The following MAML3 variants were observed in gnomAD, a reference collection of about 807,000 sequenced individuals.
MAML3 encodes mastermind like transcriptional coactivator 3.
A neutral mutation model predicts 101.9 loss-of-function variants in MAML3; 27 were observed. That is an observed-to-expected ratio of 0.27 (90% CI 0.20 to 0.37). MAML3 has a LOEUF of 0.37. Among genes scored for constraint, MAML3 ranks in the 10% least tolerant of loss-of-function variants. The pLI, the probability that MAML3 is intolerant of heterozygous loss-of-function variation, is 1.00. For missense variants in MAML3, 1,316 were observed against 1,444.9 expected (o/e 0.91, Z 1.45); for synonymous variants, 501 against 555.9 (o/e 0.90, Z 1.39).
chr4:139,985,155 A>G lies in MAML3; in HGVS notation c.469-94188T>C, dbSNP rs557831423. ...CTCAAAGACTATCTCTGAAAGTTTT[A>G]AAAACAGGCCAAGCTGACAGAGTTT... On this transcript the variant is annotated intron_variant, in intron 1 of 4. Coordinates refer to ENST00000509479, the MANE Select transcript of MAML3 (RefSeq NM_018717.5). 7.2e-5 allele frequency among the ~76,000 whole-genome samples: 11 copies of G among 152,362 alleles called. No homozygotes were observed. In the South Asian group the frequency reaches 1.0e-3, roughly 14 times the overall value.
At chr4:139,790,106 T>C (rs1311138284) in intron 2 of MAML3, among the ~76,000 whole-genome samples, 1 of 151,292 alleles carries the variant, frequency 6.6e-6, no homozygotes, top group Non-Finnish European at 1.5e-5. Context: ...TCTTTGAGGA[T>C]GGTGTTCTCA....
intron 1 of MAML3, among the ~76,000 whole-genome samples, chr4:139,952,239 G>A (rs149181832): frequency 8.7e-4 from 132 of 152,312 alleles, no homozygotes; most frequent in Non-Finnish European, 1.7e-3. Context: ...GTGAGTTGGG[G>A]ATTCTGGAAT....
chr4:140,114,198 C>A (rs1045375325), intron 1 of MAML3, among the ~76,000 whole-genome samples: 1 of 152,198 alleles, frequency 6.6e-6, no homozygotes, highest in Non-Finnish European at 1.5e-5. Flanking sequence ...TAAAATCATT[C>A]CAACTTCTGT....
chr4:139,828,981 G>GGAAT (rs1164113574), intron 2 of MAML3, among the ~76,000 whole-genome samples: 4 of 118,008 alleles, frequency 3.4e-5, no homozygotes, highest in African/African-American at 1.3e-4. Flanking sequence ...GAAAGAGGAA[G>GGAAT]GAAGGAAGGA....
At chr4:139,912,539 G>T (rs1413321932) in intron 1 of MAML3, among the ~76,000 whole-genome samples, 1 of 152,238 alleles carries the variant, frequency 6.6e-6, no homozygotes, top group Non-Finnish European at 1.5e-5. Flanking sequence ...CAGTACCTCA[G>T]AATGTGACTT....
At chr4:140,073,956 AC>A (rs1727710227) in intron 1 of MAML3, among the ~76,000 whole-genome samples, 1 of 151,702 alleles carries the variant, frequency 6.6e-6, no homozygotes, top group African/African-American at 2.4e-5. Context: ...ACATGGTGAC[AC>A]CCCATCTCTA....
chr4:140,090,350 T>C (rs565005898), intron 1 of MAML3, among the ~76,000 whole-genome samples: 1 of 152,346 alleles, frequency 6.6e-6, no homozygotes, highest in South Asian at 2.1e-4. Flanking sequence ...ATGTTGTTGT[T>C]ATCTTTGTGA....
At chr4:139,855,841 GTTA>G (rs1731651789) in intron 2 of MAML3, among the ~76,000 whole-genome samples, 1 of 152,188 alleles carries the variant, frequency 6.6e-6, no homozygotes, top group Admixed American at 6.5e-5. Context: ...ACAGAATAAA[GTTA>G]TTATGAGGAA....
intron 1 of MAML3, among the ~76,000 whole-genome samples, chr4:139,896,147 G>A (rs1732603696): frequency 1.3e-5 from 2 of 152,164 alleles, no homozygotes; most frequent in South Asian, 4.1e-4. Context: ...GAGACACAGA[G>A]CCAGCTATGT....
At chr4:139,779,791 G>A (rs1001408554) in intron 2 of MAML3, among the ~76,000 whole-genome samples, 16 of 152,222 alleles carry the variant, frequency 1.1e-4, no homozygotes, top group South Asian at 6.2e-4. Context: ...ATGGCAAATT[G>A]AGCTTGACAA....
At chr4:139,892,872 A>G (rs1239662691) in intron 1 of MAML3, among the ~76,000 whole-genome samples, 1 of 145,894 alleles carries the variant, frequency 6.9e-6, no homozygotes, top group Non-Finnish European at 1.5e-5. Flanking sequence ...TGGAGCTTGC[A>G]GTGAGCCGAG....
chr4:140,114,687 G>C (rs1728488688), intron 1 of MAML3, among the ~76,000 whole-genome samples: 1 of 152,104 alleles, frequency 6.6e-6, no homozygotes, highest in Non-Finnish European at 1.5e-5. Context: ...GTAATAAATT[G>C]CCAGCGACCA....
intron 2 of MAML3, among the ~76,000 whole-genome samples, chr4:139,789,506 G>A (rs1730365484): frequency 6.6e-6 from 1 of 152,178 alleles, no homozygotes; most frequent in African/African-American, 2.4e-5. Flanking sequence ...GAGTCCGTGT[G>A]TAGGAGCTGC....
intron 1 of MAML3, among the ~76,000 whole-genome samples, chr4:139,907,173 G>A (rs1369630366): frequency 1.3e-5 from 2 of 152,170 alleles, no homozygotes; most frequent in African/African-American, 2.4e-5. Flanking sequence ...GCAAAAATAT[G>A]CATGTGGTGT....
chr4:140,075,748 G>A (rs1190271137), intron 1 of MAML3, among the ~76,000 whole-genome samples: 1 of 151,806 alleles, frequency 6.6e-6, no homozygotes, highest in Non-Finnish European at 1.5e-5. Flanking sequence ...ATGTTGCCCA[G>A]GCTAGTCTTT....
intron 2 of MAML3, among the ~76,000 whole-genome samples, chr4:139,779,809 G>A (rs1382481499): frequency 6.6e-6 from 1 of 152,234 alleles, no homozygotes; most frequent in Non-Finnish European, 1.5e-5. Flanking sequence ...CAATAACCAG[G>A]CTTGACTATG....
chr4:139,868,109 T>G (rs1196203045), intron 2 of MAML3, among the ~76,000 whole-genome samples: 1 of 152,254 alleles, frequency 6.6e-6, no homozygotes, highest in East Asian at 1.9e-4. Flanking sequence ...TGTGTGTGTA[T>G]GTATACATGT....
chr4:140,107,576 C>A (rs1218516955), intron 1 of MAML3, among the ~76,000 whole-genome samples: 1 of 150,954 alleles, frequency 6.6e-6, no homozygotes, highest in Non-Finnish European at 1.5e-5. Context: ...GCGATCTCGG[C>A]TCACTGCAAC....
intron 1 of MAML3, among the ~76,000 whole-genome samples, chr4:140,151,626 C>T (rs889528088): frequency 1.3e-5 from 2 of 150,560 alleles, no homozygotes; most frequent in South Asian, 4.2e-4. Context: ...GGCGAAGGCG[C>T]GCGGCCCCGG....
Sources: gnomAD v4.1 joint callset for allele counts (sites outside exome capture counted in the v4.1 genomes callset) on GRCh38, gnomAD v4.1.1 for gene constraint, MANE v1.5 for transcripts, NCBI Gene and HGNC (gene_info 2026-07-23, HGNC 2026-07-21) for gene names.